Variants in PLCH2 observed in about 807,000 individuals in gnomAD.
PLCH2 encodes the protein phospholipase C eta 2.
A neutral mutation model predicts 134.7 loss-of-function variants in PLCH2; 98 were observed. The observed-to-expected ratio is 0.73, with a 90% CI of 0.62 to 0.86. The LOEUF (loss-of-function observed/expected upper bound fraction) is 0.86, where lower values mean the gene tolerates loss of function less well. Among genes scored for constraint, PLCH2 ranks in the 40% least tolerant of loss-of-function variants. The pLI is 0.00. For synonymous variants in PLCH2, 974 were observed against 827.5 expected (o/e 1.18, Z -3.04); for missense variants, 1,994 against 1,986.6 (o/e 1.00, Z -0.07).
intron 1 of PLCH2, chr1:2,467,774 C>T (rs1358509092): frequency 1.8e-5 from 7 of 399,006 alleles, no homozygotes; most frequent in Admixed American, 4.4e-5. Flanking sequence ...TCACTGGTGA[C>T]CCACTGACCC....
At chr1:2,446,701 C>T (rs1027357455) in intron 2 of PLCH2, among the ~76,000 whole-genome samples, 1 of 152,232 alleles carries the variant, frequency 6.6e-6, no homozygotes, top group Non-Finnish European at 1.5e-5. Flanking sequence ...CTGCCCAGCC[C>T]AGCTGAGAGC....
At chr1:2,480,788 G>A (rs1010083622) in intron 4 of PLCH2, among the ~76,000 whole-genome samples, 1 of 152,196 alleles carries the variant, frequency 6.6e-6, no homozygotes, top group Non-Finnish European at 1.5e-5. Flanking sequence ...TGAAAATGCA[G>A]CCTTCAGCTG....
Position 2,478,521 on chromosome 1 carries a change from A to AGCT in PLCH2, c.173_175dup (p.Leu58dup). On this transcript the variant is annotated inframe_insertion, in exon 2 of 22. Transcript: ENST00000378486. ...ATGCAAGAGGGGATGCAGATGGTGA[A>AGCT]GCTGCGTGGCGGCTCCAAGGGCCTG... The AGCT allele has an allele frequency of 6.2e-7, 1 of 1,612,906 alleles. No homozygotes were observed. The highest frequency in any genetic ancestry group is 1.1e-5 in the South Asian group (1 of 91,090).
intron 1 of PLCH2, among the ~76,000 whole-genome samples, chr1:2,427,539 G>A (rs891238035): frequency 6.6e-6 from 1 of 152,210 alleles, no homozygotes; most frequent in African/African-American, 2.4e-5. Flanking sequence ...GAGAGGCTGA[G>A]GCTCCCACTT....
At chr1:2,455,820 C>A (rs979974782) in intron 2 of PLCH2, among the ~76,000 whole-genome samples, 1 of 152,166 alleles carries the variant, frequency 6.6e-6, no homozygotes, top group Non-Finnish European at 1.5e-5. Context: ...CAGGGCCTCC[C>A]TCCCCGGCCG....
chr1:2,481,186 G>A (rs994471747), intron 4 of PLCH2, among the ~76,000 whole-genome samples: 2 of 152,270 alleles, frequency 1.3e-5, no homozygotes, highest in African/African-American at 2.4e-5. Context: ...GCTGCTGCCT[G>A]TTCTCACTGT....
At chr1:2,457,634 AG>A (rs1196242754) in intron 2 of PLCH2, among the ~76,000 whole-genome samples, 1 of 152,054 alleles carries the variant, frequency 6.6e-6, no homozygotes, top group Non-Finnish European at 1.5e-5. Context: ...AGCGACCTGC[AG>A]GCAGTCAGGG....
At chr1:2,479,537 G>A (rs372863077) in intron 2 of PLCH2, 197 bp from the exon 3 acceptor site, 3 of 564,670 alleles carry the variant, frequency 5.3e-6, no homozygotes, top group African/African-American at 1.9e-5. Flanking sequence ...GGAGGGACAC[G>A]GGTCAGCAGT....
In PLCH2 at chr1:2,445,574, C is replaced by T. The variant is rs1344322951; in HGVS notation, c.115+14945C>T. Among the ~76,000 whole-genome samples, 16 of 38,026 alleles carry T rather than the reference C, an allele frequency of 4.2e-4. No individual in the cohort carries two copies. In the South Asian group the frequency reaches 6.9e-3, roughly 16 times the overall value. The allele number at this position is 38,026 out of a possible 152,430, so 24.9% of individuals were successfully genotyped here. The stretch of plus-strand genomic sequence containing the variant: ...TGTGGGTGGGGAACAGCTGGGGGTA[C>T]GGGGGAGGGTGGGGACAGGTTGGCA... On this transcript the variant is annotated intron_variant, in intron 2 of 3. Transcript: ENST00000609981.
the PLCH2 span, among the ~76,000 whole-genome samples, chr1:2,419,961 G>T: frequency 6.9e-6 from 1 of 144,396 alleles, no homozygotes; most frequent in Non-Finnish European, 1.5e-5. Context: ...AGCAGGCCAA[G>T]TCCCCCCCCC....
intron 1 of PLCH2, among the ~76,000 whole-genome samples, chr1:2,426,582 C>A (rs1025795693): frequency 6.6e-6 from 1 of 152,254 alleles, no homozygotes; most frequent in Non-Finnish European, 1.5e-5. Context: ...TGGCCCCTCG[C>A]GGTCTTCCCT....
Position 2,487,352 on chromosome 1 carries a change from C to T in PLCH2, c.1090C>T (p.Gln364Ter), listed in dbSNP as rs1285345343. 1 of 1,613,332 alleles carries T rather than the reference C, an allele frequency of 6.2e-7. No homozygotes were observed. Among genetic ancestry groups the T allele is most frequent in the Non-Finnish European group, 8.5e-7 (1 of 1,179,778 alleles). ...GGTGGACATGTATGCTTGGGTCCTG[C>T]AGGCTGGCTGCCGCTGCGTGGAGGG... ...SRVDMYAWVL[Q>*]AGCRCVEVDC... Residue 364 changes from glutamine to a stop codon, truncating the protein, a stop_gained, in exon 7 of 22, where the codon CAG becomes TAG. Coordinates refer to ENST00000378486, the MANE Select transcript of PLCH2 (RefSeq NM_014638.4). LOFTEE classifies it high-confidence loss of function.
chr1:2,480,098 C>T, intron 3 of PLCH2, 85 bp from the exon 4 acceptor site: 4 of 1,587,814 alleles, frequency 2.5e-6, no homozygotes, highest in Non-Finnish European at 3.4e-6. Context: ...GGCTGGGGTC[C>T]CCTATTCCTT....
rs1316362393 is a variant in PLCH2 at position 2,448,605 on chromosome 1, T to C, written c.115+17976T>C. ...ATGCGGATGTGTTTTCTGTCGGGGG[T>C]CGCCCTTCAGCCCCCTACTGTGGCC... is the stretch of plus-strand genomic sequence containing the variant. On this transcript the variant is annotated intron_variant, in intron 2 of 3. Transcript: ENST00000609981. The surrounding 1 kb of genome is among the most constrained non-coding windows in gnomAD (Gnocchi z 4.0). Among the ~76,000 whole-genome samples, 1 of 151,634 alleles carries C rather than the reference T, an allele frequency of 6.6e-6. No individual in the cohort carries two copies. The highest frequency in any genetic ancestry group is 1.5e-5 in the Non-Finnish European group (1 of 67,906).
At chr1:2,443,575 G>C (rs1278285775) in intron 2 of PLCH2, among the ~76,000 whole-genome samples, 1 of 151,444 alleles carries the variant, frequency 6.6e-6, no homozygotes, top group African/African-American at 2.4e-5. Flanking sequence ...TGGCTGCGGC[G>C]GGCGCAGGGC....
rs1239480928 is a variant in PLCH2, at chr1:2,503,928, G to A, written c.2966G>A (p.Arg989His). The A allele has an allele frequency of 9.4e-5, 27 of 287,574 alleles. No homozygotes were observed. Among genetic ancestry groups the A allele is most frequent in the Admixed American group, 1.8e-4 (2 of 11,028 alleles). The allele number at this position is 287,574 out of a possible 1,614,324, so 17.8% of individuals were successfully genotyped here. A position where few individuals can be genotyped will look rare whatever the true frequency, so the allele number is the denominator to read the frequency against. Residue 989 changes from arginine to histidine, a missense_variant, in exon 22 of 22, where the codon CGC becomes CAC. Arg to His is a conservative substitution (Grantham distance 29). Transcript: ENST00000378486. ...CTCCCCCACCTCCCCACAGACACCCGCCCCCTCTCCACGCAGCGGCCACTC... is the reference window on the plus strand; with the variant it reads ...CTCCCCCACCTCCCCACAGACACCCACCCCCTCTCCACGCAGCGGCCACTC... ...GPGSGSPRDT[R>H]PLSTQRPLPP...
chr1:2,456,136 C>T (rs1403208362), intron 2 of PLCH2, among the ~76,000 whole-genome samples: 1 of 152,190 alleles, frequency 6.6e-6, no homozygotes, highest in Non-Finnish European at 1.5e-5. Context: ...GATGCGGAGC[C>T]CAGAGGGGAG....
exon 2 of PLCH2, chr1:2,430,470 C>A (rs1406559545): frequency 6.6e-6 from 1 of 152,376 alleles, no homozygotes; most frequent in African/African-American, 2.4e-5. Flanking sequence ...CCCAGCCAGT[C>A]CCAGCTTTCA....
At position 2,494,884 on chromosome 1, in the gene PLCH2, G is replaced by A; in HGVS notation, c.1688G>A (p.Gly563Glu). Reference protein sequence around the residue: ...KSKAEEDVESGEDAGASRRNG... With the variant: ...KSKAEEDVESEEDAGASRRNG... ...AAGGCTGAAGAGGACGTGGAGTCTG[G>A]GGAGGATGCCGGGGCCAGCAGACGC... The change falls in exon 12 of 22, where the codon GGG becomes GAG. Residue 563 changes from glycine (G) to glutamate (E), a missense_variant. By Grantham distance (98) the Gly-to-Glu change is moderately conservative. Around this residue, in one of 2 missense-constraint regions of PLCH2, gnomAD observed 1,094 missense variants for 1,234.3 expected, o/e 0.89. Transcript: ENST00000378486. 2 of 1,607,262 alleles carry A rather than the reference G, an allele frequency of 1.2e-6. No individual in the cohort carries two copies. Among genetic ancestry groups the A allele is most frequent in the Non-Finnish European group, 1.7e-6 (2 of 1,177,700 alleles).
Sources: allele counts gnomAD v4.1 joint callset (sites outside exome capture counted in the v4.1 genomes callset), GRCh38; gene constraint gnomAD v4.1.1; regional missense constraint gnomAD v4.1.1; non-coding constraint Gnocchi (gnomAD v3.1); transcripts MANE v1.5; gene names NCBI Gene and HGNC (gene_info 2026-07-23, HGNC 2026-07-21).